The following FAM120C variants were observed in gnomAD, a reference collection of about 807,000 sequenced individuals.
The protein encoded by FAM120C is constitutive coactivator of PPAR-gamma-like protein 2.
Under a neutral mutation model 71.2 loss-of-function variants are expected in FAM120C, and 14 were observed. That is an observed-to-expected ratio of 0.20 (90% confidence interval 0.13 to 0.31). The LOEUF is 0.31. FAM120C is among the 10% of genes least tolerant of loss of function. The pLI is 1.00. For missense variants in FAM120C, 500 were observed against 879.0 expected, an observed-to-expected ratio of 0.57 and a Z score of 5.45; for synonymous variants, 354 against 353.2, an observed-to-expected ratio of 1.00 and a Z score of -0.03.
At position 54,085,699 on chromosome X, in the gene FAM120C, A is replaced by G. The variant is rs1557121875; in HGVS notation, c.2839+16T>C. 1.7e-6 allele frequency: 2 copies of G among 1,199,341 alleles called. No individual in the cohort carries two copies. Among genetic ancestry groups the G allele is most frequent in the Admixed American group, 4.4e-5 (2 of 45,976 alleles). ...ATAAATTGAGGATGGTAAATACCTC[A>G]TTCTTTGGTACTGACCTGCAAATCC... is the stretch of plus-strand genomic sequence containing the variant. On this transcript the variant is annotated intron_variant, in intron 13 of 15. Transcript: ENST00000375180.
intron 9 of FAM120C, among the ~76,000 whole-genome samples, chrX:54,127,832 A>C (rs1471461586): frequency 9.1e-6 from 1 of 109,671 alleles, no homozygotes; most frequent in Non-Finnish European, 1.9e-5. Context: ...GGCCTCAATC[A>C]TCTTCCCACT....
intron 10 of FAM120C, among the ~76,000 whole-genome samples, chrX:54,116,157 A>G (rs1275366772): frequency 8.9e-6 from 1 of 112,263 alleles, no homozygotes; most frequent in East Asian, 2.8e-4. Context: ...AAAAATGTTT[A>G]CCCATAGAAA....
chrX:54,169,808 T>G (rs782462678), intron 1 of FAM120C, among the ~76,000 whole-genome samples: 1 of 112,495 alleles, frequency 8.9e-6, no homozygotes, highest in Non-Finnish European at 1.9e-5. Flanking sequence ...ACTAAATAAT[T>G]ACAGACTGAA....
At chrX:54,156,312 AGTCTT>A (rs1489946279) in intron 3 of FAM120C, among the ~76,000 whole-genome samples, 1 of 85,802 alleles carries the variant, frequency 1.2e-5, no homozygotes, top group African/African-American at 4.3e-5. Context: ...GTCTCACAAC[AGTCTT>A]TTTTTTTTTT....
rs187892515 is a variant in FAM120C at position 54,173,491 on chromosome X, G to A, written c.699+9009C>T. 8.9e-3 allele frequency among the ~76,000 whole-genome samples: 996 copies of A among 111,750 alleles called. 8 individuals carry two copies. Among genetic ancestry groups the A allele is most frequent in the African/African-American group, 0.032 (970 of 30,788 alleles). On this transcript the variant is annotated intron_variant, in intron 1 of 15. Transcript: ENST00000375180. ...TCGAACTTCCGACCTCAGGTGATCC[G>A]CCTGCCTCGGCCTCCCAAAGTGCTG... is the stretch of plus-strand genomic sequence containing the variant.
intron 15 of FAM120C, among the ~76,000 whole-genome samples, chrX:54,077,509 A>G (rs1259618296): frequency 9.1e-6 from 1 of 110,358 alleles, no homozygotes; most frequent in African/African-American, 3.3e-5. Context: ...GCAAAACCCC[A>G]TCTCTACAAA....
chrX:54,159,741 C>A, intron 1 of FAM120C, 125 bp from the exon 2 acceptor site: 250 of 453,818 alleles, frequency 5.5e-4, no homozygotes, highest in Non-Finnish European at 7.7e-4. Flanking sequence ...GAGAACAGAA[C>A]ATTCTTTTAA....
intron 9 of FAM120C, among the ~76,000 whole-genome samples, chrX:54,127,320 A>G (rs936375390): frequency 1.8e-5 from 2 of 110,018 alleles, no homozygotes; most frequent in African/African-American, 6.6e-5. Flanking sequence ...GGCCGGGTGC[A>G]GTGGCTCACA....
rs1557122162 is a variant in FAM120C at position 54,087,893 on chromosome X, A to G, written c.2499T>C (p.Phe833=). ...CTGGCTGGCCACAGGCATCATTAGCAAACAGAGCTGTGTCGACTCCACTCA... is the reference window on the plus strand; with the variant it reads ...CTGGCTGGCCACAGGCATCATTAGCGAACAGAGCTGTGTCGACTCCACTCA... ...LFMSGVDTAL[F]ANDACGQPVP... is the part of the protein sequence containing the mutation. Residue 833 remains phenylalanine, a synonymous_variant, in exon 12 of 16, where the codon TTT becomes TTC. Coordinates refer to ENST00000375180, the MANE Select transcript of FAM120C (RefSeq NM_017848.6). 8.3e-7 allele frequency: 1 copy of G among 1,211,855 alleles called. No individual in the cohort carries two copies. The highest frequency in any genetic ancestry group is 1.8e-5 in the South Asian group (1 of 56,943).
rs2066701336 is a variant in FAM120C, at chrX:54,069,541, C to CT, written c.*3491dup. ...GGACTGGATCACCATAACCAAACAG[C>CT]TACCCCCACATTCTTTCTATCCTAC... On this transcript the variant is annotated 3_prime_UTR_variant, in exon 16 of 16. Coordinates refer to ENST00000375180, the MANE Select transcript of FAM120C (RefSeq NM_017848.6). 9.1e-6 allele frequency: 1 copy of CT among 110,482 alleles called. No homozygotes were observed. The highest frequency in any genetic ancestry group is 9.8e-5 in the Admixed American group (1 of 10,248). 9.1% of individuals were successfully genotyped at this position (110,482 alleles called of 1,213,427 possible).
At chrX:54,109,521 G>A (rs2066923998) in intron 10 of FAM120C, among the ~76,000 whole-genome samples, 1 of 108,870 alleles carries the variant, frequency 9.2e-6, no homozygotes, top group African/African-American at 3.4e-5. Context: ...AGGCCGAGGT[G>A]GGAGGATCAC....
chrX:54,097,804 G>A (rs1375618826), intron 10 of FAM120C, among the ~76,000 whole-genome samples: 2 of 110,649 alleles, frequency 1.8e-5, no homozygotes, highest in Non-Finnish European at 3.8e-5. Context: ...TCGGCTCACT[G>A]CAAGCTCCAC....
chrX:54,134,144 C>T (rs889332300), intron 7 of FAM120C, 98 bp from the exon 8 acceptor site: 2 of 863,691 alleles, frequency 2.3e-6, no homozygotes, highest in Admixed American at 6.0e-5. Flanking sequence ...GTCTCACAAA[C>T]CCTTTGGAGG....
At position 54,072,806 on chromosome X, in the gene FAM120C, G is replaced by A. The variant is rs1440887021; in HGVS notation, c.*227C>T. 1.1e-4 allele frequency: 39 copies of A among 367,771 alleles called. No individual in the cohort carries two copies. Among genetic ancestry groups the A allele is most frequent in the Non-Finnish European group, 1.7e-4 (37 of 214,418 alleles). 30.3% of individuals were successfully genotyped at this position (367,771 alleles called of 1,213,427 possible). A position where few individuals can be genotyped will look rare whatever the true frequency, so the allele number is the denominator to read the frequency against. ...ATCTTCAATTTGAGACTAGGACCTA[G>A]TCTTACTGCCATTCATCTTTGACCA... On this transcript the variant is annotated 3_prime_UTR_variant, in exon 16 of 16. Coordinates refer to ENST00000375180, the MANE Select transcript of FAM120C (RefSeq NM_017848.6).
At chrX:54,177,791 G>A (rs1018551268) in intron 1 of FAM120C, among the ~76,000 whole-genome samples, 4 of 111,482 alleles carry the variant, frequency 3.6e-5, no homozygotes, top group Non-Finnish European at 5.7e-5. Context: ...TAGGACAGAA[G>A]CCTTGAGGGC....
intron 4 of FAM120C, among the ~76,000 whole-genome samples, chrX:54,143,203 G>C (rs1453218983): frequency 9.0e-6 from 1 of 111,575 alleles, no homozygotes; most frequent in Non-Finnish European, 1.9e-5. Context: ...ATGCCCACAA[G>C]AGAAAGCAGG....
rs1366614035 is a variant in FAM120C at position 54,071,978 on chromosome X, ATG to A, written c.*1053_*1054del. On this transcript the variant is annotated 3_prime_UTR_variant, in exon 16 of 16. Transcript: ENST00000375180. ...TATGTATGTATGTATGTGTGTATAT[ATG>A]TGTGTATATATATATACACACATAT... 30 of 103,233 alleles carry A rather than the reference ATG, an allele frequency of 2.9e-4. No homozygotes were observed. The highest frequency in any genetic ancestry group is 1.1e-3 in the African/African-American group (30 of 28,256). 8.5% of individuals were successfully genotyped at this position (103,233 alleles called of 1,213,427 possible). A position where few individuals can be genotyped will look rare whatever the true frequency, so the allele number is the denominator to read the frequency against.
chrX:54,136,527 T>G lies in FAM120C; in HGVS notation c.1222A>C (p.Lys408Gln). 1.7e-6 allele frequency: 2 copies of G among 1,210,506 alleles called. No homozygotes were observed. Among genetic ancestry groups the G allele is most frequent in the Non-Finnish European group, 2.2e-6 (2 of 894,514 alleles). ...KAVEYYSVTT[K>Q]LSSLPVGPSF... ...GGACCCACTGGCAGCGAAGAGAGTT[T>G]GGTTGTGACTGAATAATACTCAACT... Residue 408 changes from lysine (K) to glutamine (Q), a missense_variant, in exon 5 of 16, where the codon AAA (lysine) becomes CAA (glutamine). Lys to Gln is a moderately conservative substitution (Grantham distance 53). This residue lies in a region of FAM120C where 55 missense variants were observed against 96.7 expected (regional missense o/e 0.57). Coordinates refer to ENST00000375180, the MANE Select transcript of FAM120C (RefSeq NM_017848.6).
At chrX:54,133,699 T>C in intron 8 of FAM120C, 74 bp downstream of exon 8, 1 of 1,073,582 alleles carries the variant, frequency 9.3e-7, no homozygotes, top group Non-Finnish European at 1.3e-6. Context: ...GAATGTTCTC[T>C]GTAACTTACA....
Sources: allele counts gnomAD v4.1 joint callset (sites outside exome capture counted in the v4.1 genomes callset), GRCh38; gene constraint gnomAD v4.1.1; regional missense constraint gnomAD v4.1.1; transcripts MANE v1.5; gene names NCBI Gene and HGNC (gene_info 2026-07-23, HGNC 2026-07-21).